WDR81: variants seen among roughly 807,000 people sequenced by gnomAD.
WDR81 encodes the protein WD repeat domain 81.
WDR81 carries 92 observed loss-of-function variants against 140.8 expected under a neutral mutation model. That is an observed-to-expected ratio of 0.65 (90% CI 0.55 to 0.78). WDR81 has a LOEUF of 0.78. Among genes scored for constraint, WDR81 ranks in the 30% least tolerant of loss-of-function variants. WDR81 has a pLI of 0.00. For synonymous variants in WDR81, 1,183 were observed against 1,156.4 expected, an observed-to-expected ratio of 1.02 and a Z score of -0.47; for missense variants, 2,502 against 2,636.4, an observed-to-expected ratio of 0.95 and a Z score of 1.12.
Position 1,734,038 on chromosome 17 carries a change from C to T in WDR81, c.5001C>T (p.Ser1667=). ...GCGAGGACTTCTTCCTGAGCGGCAG[C>T]AAGGATCGTACCGTGCGCCTCTGGC... is the stretch of plus-strand genomic sequence containing the variant. ...LSSEDFFLSG[S]KDRTVRLWPL... is the part of the protein sequence containing the mutation. Residue 1667 remains serine (S), a synonymous_variant, in exon 7 of 10, where the codon AGC becomes AGT. Coordinates refer to ENST00000409644, the MANE Select transcript of WDR81 (RefSeq NM_001163809.2). The T allele has an allele frequency of 6.2e-7, 1 of 1,610,744 alleles. No individual in the cohort carries two copies. The highest frequency in any genetic ancestry group is 8.5e-7 in the Non-Finnish European group (1 of 1,179,930).
At chr17:1,734,503 G>A (rs574910831) in intron 7 of WDR81, among the ~76,000 whole-genome samples, 46 of 152,326 alleles carry the variant, frequency 3.0e-4, no homozygotes, top group Non-Finnish European at 4.9e-4. Context: ...ACACACAGCC[G>A]GGCGCAGTGG....
upstream of WDR81, among the ~76,000 whole-genome samples, chr17:1,719,955 C>T (rs1319424523): frequency 6.6e-6 from 1 of 152,070 alleles, no homozygotes; most frequent in Non-Finnish European, 1.5e-5. Flanking sequence ...GCCTAGGTGA[C>T]AGAATGTGAC....
In WDR81 at chr17:1,734,118, C is replaced by T; in HGVS notation, c.5081C>T (p.Thr1694Ile). 2 of 1,600,768 alleles carry T rather than the reference C, an allele frequency of 1.2e-6. No homozygotes were observed. The highest frequency in any genetic ancestry group is 1.7e-6 in the Non-Finnish European group (2 of 1,179,864). ...GAGACGGCCCCACGCCTCGTCTACA[C>T]CCAGCACCGCAAGAGCGTCTTCTTC... is the stretch of plus-strand genomic sequence containing the variant. ...TSETAPRLVY[T>I]QHRKSVFFVG... is the part of the protein sequence containing the mutation. The change falls in exon 7 of 10, where the codon ACC (threonine) becomes ATC (isoleucine). Residue 1694 changes from threonine to isoleucine, a missense_variant. Around this residue, in one of 3 missense-constraint regions of WDR81, gnomAD observed 1,737 missense variants for 1,843.0 expected, o/e 0.94. Transcript: ENST00000409644.
chr17:1,725,353 C>A lies in WDR81; in HGVS notation c.394C>A (p.Pro132Thr). Residue 132 changes from proline (P) to threonine (T), a missense_variant, in exon 1 of 10, where the codon CCT (proline) becomes ACT (threonine). Physicochemically the swap from Pro to Thr is conservative, Grantham distance 38 (BLOSUM62 -1). Transcript: ENST00000409644. ...GCCCTTTGAGGACGGGTCCTGCGGCCCTGAGACCCTCACTCGCTTCATGCA... is the reference window on the plus strand; with the variant it reads ...GCCCTTTGAGGACGGGTCCTGCGGCACTGAGACCCTCACTCGCTTCATGCA... Reference protein sequence around the residue: ...GLPFEDGSCGPETLTRFMQEV... With the variant: ...GLPFEDGSCGTETLTRFMQEV... 2 of 1,549,314 alleles carry A rather than the reference C, an allele frequency of 1.3e-6. No individual in the cohort carries two copies. The highest frequency in any genetic ancestry group is 1.7e-6 in the Non-Finnish European group (2 of 1,146,958).
chr17:1,720,694 G>A (rs968602423), upstream of WDR81, among the ~76,000 whole-genome samples: 2 of 151,816 alleles, frequency 1.3e-5, no homozygotes, highest in Non-Finnish European at 1.5e-5. Flanking sequence ...GAACCTGGGC[G>A]GTGAAGGTTG....
chr17:1,734,297 G>A (rs1293703540), intron 7 of WDR81, 81 bp downstream of exon 7: 6 of 1,428,436 alleles, frequency 4.2e-6, no homozygotes, highest in South Asian at 1.4e-5. Flanking sequence ...CGAGGGTGGG[G>A]CTGTAATGCT....
chr17:1,729,240 G>A (rs959769310), intron 1 of WDR81, among the ~76,000 whole-genome samples: 2 of 152,230 alleles, frequency 1.3e-5, no homozygotes, highest in Admixed American at 1.3e-4. Flanking sequence ...AGCACTTTGG[G>A]AGGCCGAGGC....
chr17:1,732,118 TC>T, intron 4 of WDR81, among the ~76,000 whole-genome samples: 1 of 152,128 alleles, frequency 6.6e-6, no homozygotes. Context: ...ATGCCTGTAG[TC>T]CCAGCTACTC....
upstream of WDR81, among the ~76,000 whole-genome samples, chr17:1,722,935 C>T (rs577656645): frequency 1.8e-3 from 267 of 151,746 alleles, 2 homozygotes; most frequent in African/African-American, 5.8e-3. Context: ...CCTCATGATC[C>T]GCCCACCTTG....
chr17:1,738,094 C>A lies in WDR81; in HGVS notation c.*409C>A. 4.2e-6 allele frequency: 1 copy of A among 236,974 alleles called. No individual in the cohort carries two copies. The highest frequency in any genetic ancestry group is 1.1e-4 in the East Asian group (1 of 9,468). 14.7% of individuals were successfully genotyped at this position (236,974 alleles called of 1,614,324 possible). The stretch of plus-strand genomic sequence containing the variant: ...CCGCTGGGCACTCTCTGTCCCATCC[C>A]TCTAGGACAGGGAAGCTGGCCTGGT... On this transcript the variant is annotated 3_prime_UTR_variant, in exon 10 of 10. Transcript: ENST00000409644.
chr17:1,732,890 C>A (rs1904486559), intron 6 of WDR81, 59 bp downstream of exon 6: 1 of 1,530,902 alleles, frequency 6.5e-7, no homozygotes, highest in African/African-American at 1.4e-5. Context: ...CCTTGGGAGG[C>A]CCCATTCTCT....
upstream of WDR81, among the ~76,000 whole-genome samples, chr17:1,720,671 A>G (rs572241064): frequency 6.6e-6 from 1 of 151,896 alleles, no homozygotes; most frequent in South Asian, 2.1e-4. Flanking sequence ...AGGCTGAGGC[A>G]GGAGAATTGC....
intron 7 of WDR81, 45 bp downstream of exon 7, chr17:1,734,261 C>T: frequency 6.7e-7 from 1 of 1,485,500 alleles, no homozygotes; most frequent in Non-Finnish European, 8.9e-7. Flanking sequence ...GCTCCTGCGC[C>T]CCACCAGGCC....
At chr17:1,722,796 G>A (rs193240625), upstream of WDR81, among the ~76,000 whole-genome samples, 2,307 of 151,070 alleles carry the variant, frequency 0.015, 29 homozygotes, top group Middle Eastern at 0.024. Flanking sequence ...AGGTTCAAGC[G>A]ATTCTCCTGC....
At chr17:1,732,014 G>A (rs548397925) in intron 4 of WDR81, among the ~76,000 whole-genome samples, 41 of 151,692 alleles carry the variant, frequency 2.7e-4, no homozygotes, top group African/African-American at 9.0e-4. Context: ...TGGGTGGATC[G>A]CTTGAGGTCA....
chr17:1,723,461 A>AT (rs1278777422), upstream of WDR81, among the ~76,000 whole-genome samples: 1 of 52,652 alleles, frequency 1.9e-5, no homozygotes, highest in African/African-American at 9.1e-5. Flanking sequence ...ATTTATTTTT[A>AT]TTTATTTATT....
At chr17:1,723,404 ATTTTATTTATTTAT>A (rs1313998444), upstream of WDR81, among the ~76,000 whole-genome samples, 13 of 144,382 alleles carry the variant, frequency 9.0e-5, no homozygotes, top group South Asian at 4.5e-4. Context: ...TTTTTATTTT[ATTTTATTTATTTAT>A]TTTTATTTAT....
chr17:1,730,705 A>AC, intron 2 of WDR81, 50 bp from the exon 3 acceptor site: 1 of 1,553,220 alleles, frequency 6.4e-7, no homozygotes, highest in South Asian at 1.2e-5. Flanking sequence ...GGGCCAGGCT[A>AC]CCCCCGGCCC....
intron 4 of WDR81, 84 bp from the exon 5 acceptor site, chr17:1,732,241 A>C: frequency 1.3e-6 from 2 of 1,539,412 alleles, no homozygotes; most frequent in Non-Finnish European, 8.8e-7. Context: ...CATCTCAATA[A>C]AAATAAAAAT....
Sources: allele counts gnomAD v4.1 joint callset (sites outside exome capture counted in the v4.1 genomes callset), GRCh38; gene constraint gnomAD v4.1.1; regional missense constraint gnomAD v4.1.1; transcripts MANE v1.5; gene names NCBI Gene and HGNC (gene_info 2026-07-23, HGNC 2026-07-21).